LYRM4: variants seen among roughly 807,000 people sequenced by gnomAD.
The protein encoded by LYRM4 is LYR motif containing 4, also known as LYR motif-containing protein 4.
LYRM4 carries 9 observed loss-of-function variants against 11.7 expected under a neutral mutation model. The ratio of observed to expected loss-of-function variants is 0.77; its 90% CI spans 0.46 to 1.34. The LOEUF is 1.34. Ranked by LOEUF, LYRM4 falls within the 40% of genes most tolerant of loss-of-function variation. LYRM4 has a pLI of 0.00. For synonymous variants in LYRM4, 42 were observed against 40.4 expected (o/e 1.04, Z -0.15); for missense variants, 133 against 112.5 (o/e 1.18, Z -0.82).
chr6:5,258,737 T>C (rs947698899), intron 1 of LYRM4, among the ~76,000 whole-genome samples: 3 of 152,250 alleles, frequency 2.0e-5, no homozygotes, highest in Non-Finnish European at 4.4e-5. Flanking sequence ...TATATTTGGA[T>C]AGTAAATTTA....
chr6:5,143,954 A>G lies in LYRM4; in HGVS notation c.208-34463T>C, dbSNP rs142343243. 5.3e-3 allele frequency among the ~76,000 whole-genome samples: 801 copies of G among 152,332 alleles called. 9 individuals are homozygous for G. Among genetic ancestry groups the G allele is most frequent in the African/African-American group, 0.018 (764 of 41,564 alleles). On this transcript the variant is annotated intron_variant, in intron 2 of 2. Coordinates refer to ENST00000330636, the MANE Select transcript of LYRM4 (RefSeq NM_020408.6). ...CATTACTGAATAAAACATTCACAGT[A>G]TATCTTCCACCAGCAGCTGAGCTCC...
At chr6:5,237,225 C>G (rs535226841) in intron 1 of LYRM4, among the ~76,000 whole-genome samples, 1 of 152,186 alleles carries the variant, frequency 6.6e-6, no homozygotes, top group Non-Finnish European at 1.5e-5. Flanking sequence ...CACTCCCCAT[C>G]GCTCACAATA....
the LYRM4 span, among the ~76,000 whole-genome samples, chr6:5,059,503 T>C: frequency 1.3e-5 from 2 of 152,166 alleles, no homozygotes; most frequent in Non-Finnish European, 2.9e-5. Flanking sequence ...GAACAGCTAC[T>C]CGACTCCCTT....
the LYRM4 span, among the ~76,000 whole-genome samples, chr6:5,071,578 A>ATATGTG: frequency 2.1e-4 from 32 of 151,824 alleles, no homozygotes; most frequent in African/African-American, 7.2e-4. Context: ...ATATGTATAT[A>ATATGTG]TATGTGTATG....
rs1271525046 is a variant in LYRM4, at chr6:5,148,690, T to C, written c.208-39199A>G. On this transcript the variant is annotated intron_variant, in intron 2 of 2. Transcript: ENST00000330636. ...CTCTCTCTCTCTCTCTCTCTGCTTA[T>C]AGTGACTGAGAAATCAGCTCTCCCA... Among the ~76,000 whole-genome samples the C allele has an allele frequency of 3.3e-5, 5 of 152,066 alleles. 1 individual carries two copies. The highest frequency in any genetic ancestry group is 2.6e-4 in the Admixed American group (4 of 15,264).
chr6:5,039,338 G>A, the LYRM4 span, among the ~76,000 whole-genome samples: 3 of 152,090 alleles, frequency 2.0e-5, no homozygotes, highest in Non-Finnish European at 2.9e-5. Flanking sequence ...TTTAAGTGCT[G>A]GGAATACAAT....
At chr6:5,225,281 A>T (rs1034226248) in intron 1 of LYRM4, among the ~76,000 whole-genome samples, 5 of 152,000 alleles carry the variant, frequency 3.3e-5, no homozygotes, top group African/African-American at 1.2e-4. Flanking sequence ...GTTTAAAAAA[A>T]ACTTAAAGTC....
At chr6:5,181,841 C>G (rs1346029950) in intron 2 of LYRM4, among the ~76,000 whole-genome samples, 1 of 152,222 alleles carries the variant, frequency 6.6e-6, no homozygotes, top group Non-Finnish European at 1.5e-5. Flanking sequence ...GCCTCCTGCC[C>G]AGATGGCCTC....
At chr6:5,217,341 G>T (rs981254957) in intron 1 of LYRM4, among the ~76,000 whole-genome samples, 6 of 152,130 alleles carry the variant, frequency 3.9e-5, no homozygotes, top group African/African-American at 1.4e-4. Flanking sequence ...CCTCCATCTT[G>T]AAAGTGCACA....
chr6:5,219,144 C>A (rs553008723), intron 1 of LYRM4, among the ~76,000 whole-genome samples: 54 of 152,224 alleles, frequency 3.5e-4, no homozygotes, highest in South Asian at 1.2e-3. Context: ...TTTCTAAAAG[C>A]TAGTAACTAG....
chr6:5,234,492 G>A (rs549222242), intron 1 of LYRM4, among the ~76,000 whole-genome samples: 24 of 152,356 alleles, frequency 1.6e-4, no homozygotes, highest in African/African-American at 5.8e-4. Flanking sequence ...AGTATACACA[G>A]TGCTCTGAGA....
At chr6:5,135,849 CCTT>C (rs1757065134) in intron 2 of LYRM4, among the ~76,000 whole-genome samples, 1 of 152,162 alleles carries the variant, frequency 6.6e-6, no homozygotes, top group Non-Finnish European at 1.5e-5. Flanking sequence ...TCAACAGCAT[CCTT>C]CTCCAGAATC....
At chr6:5,092,525 T>C in the LYRM4 span, among the ~76,000 whole-genome samples, 2 of 150,136 alleles carry the variant, frequency 1.3e-5, no homozygotes, top group Non-Finnish European at 3.0e-5. Context: ...GCTTGGCCAA[T>C]ATGGTGAAAC....
intron 1 of LYRM4, among the ~76,000 whole-genome samples, chr6:5,248,915 G>T (rs933608947): frequency 6.6e-6 from 1 of 152,226 alleles, no homozygotes; most frequent in Non-Finnish European, 1.5e-5. Flanking sequence ...AATGTTTGCT[G>T]AATGAAACAT....
In LYRM4 at chr6:5,245,160, AT is replaced by A. The variant is rs1561899256; in HGVS notation, c.86+15487del. 2.2e-3 allele frequency among the ~76,000 whole-genome samples: 214 copies of A among 97,662 alleles called. 17 individuals carry two copies. The highest frequency in any genetic ancestry group is 9.9e-3 in the Middle Eastern group (2 of 202). 64.1% of individuals were successfully genotyped at this position (97,662 alleles called of 152,430 possible). A position where few individuals can be genotyped will look rare whatever the true frequency, so the allele number is the denominator to read the frequency against. ...TATATATATATATATATATATATAT[AT>A]ATAAAATAGGTGAATTTCTGGAACA... On this transcript the variant is annotated intron_variant, in intron 1 of 2. Coordinates refer to ENST00000330636, the MANE Select transcript of LYRM4 (RefSeq NM_020408.6).
At chr6:5,162,094 G>T (rs989816993) in intron 2 of LYRM4, among the ~76,000 whole-genome samples, 3 of 152,178 alleles carry the variant, frequency 2.0e-5, no homozygotes, top group Non-Finnish European at 4.4e-5. Context: ...GGGTTGCTCA[G>T]GAGGGTGAGC....
chr6:5,057,546 CA>C, the LYRM4 span, among the ~76,000 whole-genome samples: 1 of 151,140 alleles, frequency 6.6e-6, no homozygotes, highest in African/African-American at 2.4e-5. Flanking sequence ...GTGAAACCCC[CA>C]TCTCTACTAA....
chr6:5,224,251 A>G (rs1762750645), intron 1 of LYRM4, among the ~76,000 whole-genome samples: 1 of 152,262 alleles, frequency 6.6e-6, no homozygotes, highest in Admixed American at 6.5e-5. Flanking sequence ...TTAGTGGCAT[A>G]AAACAATAAC....
intron 2 of LYRM4, among the ~76,000 whole-genome samples, chr6:5,153,062 G>A (rs1327989422): frequency 1.3e-5 from 2 of 152,156 alleles, no homozygotes; most frequent in Non-Finnish European, 2.9e-5. Context: ...ACACTAGGCT[G>A]TTGGTTTTGT....
Sources: gnomAD v4.1 joint callset for allele counts (sites outside exome capture counted in the v4.1 genomes callset) on GRCh38, gnomAD v4.1.1 for gene constraint, MANE v1.5 for transcripts, NCBI Gene and HGNC (gene_info 2026-07-23, HGNC 2026-07-21) for gene names.